ROBO1: variants seen among roughly 807,000 people sequenced by gnomAD.
ROBO1 encodes roundabout guidance receptor 1.
Under a neutral mutation model 195.9 loss-of-function variants are expected in ROBO1, and 149 were observed. The ratio of observed to expected loss-of-function variants is 0.76; its 90% CI spans 0.67 to 0.87. The LOEUF (loss-of-function observed/expected upper bound fraction) is 0.87, where lower values mean the gene tolerates loss of function less well. Among genes scored for constraint, ROBO1 ranks in the 40% least tolerant of loss-of-function variants. The probability of loss-of-function intolerance (pLI) is 0.00; values close to 1 mark genes in which losing one functional copy is unlikely to be tolerated. For synonymous variants in ROBO1, 816 were observed against 733.2 expected (o/e 1.11, Z -1.82); for missense variants, 1,933 against 2,068.3 (o/e 0.93, Z 1.27).
chr3:79,734,055 C>T (rs138233145), intron 1 of ROBO1, among the ~76,000 whole-genome samples: 3,672 of 151,590 alleles, frequency 0.024, 142 homozygotes, highest in African/African-American at 0.085. Flanking sequence ...TCAAGCAATT[C>T]TCCTGCCTCA....
At chr3:79,624,244 C>G (rs373362820) in intron 1 of ROBO1, among the ~76,000 whole-genome samples, 1 of 151,848 alleles carries the variant, frequency 6.6e-6, no homozygotes, top group Admixed American at 6.6e-5. Flanking sequence ...TTCAAAAAAA[C>G]GGCAAAATAT....
chr3:78,681,172 G>A (rs2080896039), intron 10 of ROBO1, among the ~76,000 whole-genome samples: 1 of 151,842 alleles, frequency 6.6e-6, no homozygotes, highest in Non-Finnish European at 1.5e-5. Context: ...ATCACACTCT[G>A]GGGACTGTTG....
chr3:78,817,021 T>G (rs977847194), intron 4 of ROBO1, among the ~76,000 whole-genome samples: 5 of 152,064 alleles, frequency 3.3e-5, no homozygotes, highest in African/African-American at 1.2e-4. Flanking sequence ...AACATTAGAT[T>G]GAATTAGTTA....
intron 2 of ROBO1, among the ~76,000 whole-genome samples, chr3:79,576,031 C>T (rs1943474178): frequency 6.6e-6 from 1 of 151,882 alleles, no homozygotes; most frequent in Non-Finnish European, 1.5e-5. Context: ...GAAGTTATAT[C>T]ACATCTGTTT....
rs1479620953 is a variant in ROBO1, at chr3:78,651,906, G to A, written c.2638C>T (p.Pro880Ser). 3 of 1,612,570 alleles carry A rather than the reference G, an allele frequency of 1.9e-6. No homozygotes were observed. In the South Asian group the frequency reaches 3.3e-5, roughly 18 times the overall value. Residue 880 changes from proline to serine, a missense_variant, in exon 19 of 31, where the codon CCT becomes TCT. Physicochemically the swap from Pro to Ser is moderately conservative, Grantham distance 74 (BLOSUM62 -1). Coordinates refer to ENST00000464233, the MANE Select transcript of ROBO1 (RefSeq NM_002941.4). The part of the protein sequence containing the change: ...QLDAHGNPVS[P>S]EDQVSLAQQI... The stretch of plus-strand genomic sequence containing the variant: ...TGAGCGAGGCTGACTTGGTCCTCAG[G>A]TGACACAGGGTTTCCATGGGCATCT...
At chr3:79,631,130 C>T (rs1385143661) in intron 1 of ROBO1, among the ~76,000 whole-genome samples, 1 of 151,568 alleles carries the variant, frequency 6.6e-6, no homozygotes, top group Non-Finnish European at 1.5e-5. Flanking sequence ...AGAGTTTTCA[C>T]ATAATTAGAA....
At chr3:78,811,659 G>T (rs2084745180) in intron 4 of ROBO1, among the ~76,000 whole-genome samples, 1 of 151,940 alleles carries the variant, frequency 6.6e-6, no homozygotes. Context: ...CTATATTCCA[G>T]GCCCACTGAA....
At chr3:78,762,853 A>C (rs2083140526) in intron 4 of ROBO1, among the ~76,000 whole-genome samples, 1 of 152,168 alleles carries the variant, frequency 6.6e-6, no homozygotes, top group Non-Finnish European at 1.5e-5. Context: ...AAGAAACAAA[A>C]AAAAGGCATT....
intron 2 of ROBO1, among the ~76,000 whole-genome samples, chr3:79,583,963 A>G (rs1444768185): frequency 2.6e-5 from 4 of 151,978 alleles, no homozygotes; most frequent in Non-Finnish European, 5.9e-5. Context: ...GGCTGAATAT[A>G]ACAGAACCCA....
intron 2 of ROBO1, among the ~76,000 whole-genome samples, chr3:79,556,542 A>G (rs555470297): frequency 1.3e-5 from 2 of 152,220 alleles, no homozygotes; most frequent in South Asian, 4.1e-4. Flanking sequence ...GAAGGTAATT[A>G]CTTTTTAGAA....
chr3:79,610,418 G>A (rs938723247), intron 1 of ROBO1, among the ~76,000 whole-genome samples: 5 of 151,646 alleles, frequency 3.3e-5, no homozygotes, highest in Non-Finnish European at 1.5e-5. Flanking sequence ...GTACTGTTCC[G>A]GGGTAACTGA....
At chr3:79,139,500 T>A (rs1576725030) in intron 2 of ROBO1, among the ~76,000 whole-genome samples, 1 of 152,134 alleles carries the variant, frequency 6.6e-6, no homozygotes, top group East Asian at 1.9e-4. Context: ...AACGTTTGGT[T>A]TAAGAAAGTC....
At chr3:79,366,379 T>C (rs2035977018) in intron 2 of ROBO1, among the ~76,000 whole-genome samples, 1 of 152,162 alleles carries the variant, frequency 6.6e-6, no homozygotes, top group African/African-American at 2.4e-5. Flanking sequence ...TTCATTCTTC[T>C]GATTCACCAT....
intron 28 of ROBO1, among the ~76,000 whole-genome samples, chr3:78,610,575 C>T (rs1322206981): frequency 6.6e-6 from 1 of 152,090 alleles, no homozygotes; most frequent in Non-Finnish European, 1.5e-5. Flanking sequence ...CTGCCACTAT[C>T]ATCAAATCAT....
chr3:79,018,348 A>C, intron 3 of ROBO1: 1 of 1,603,370 alleles, frequency 6.2e-7, no homozygotes, highest in Non-Finnish European at 8.5e-7. Flanking sequence ...TTGATCGTGC[A>C]AAGTGGAGAG....
chr3:79,261,871 G>A (rs2082943864), intron 2 of ROBO1, among the ~76,000 whole-genome samples: 1 of 151,974 alleles, frequency 6.6e-6, no homozygotes, highest in Non-Finnish European at 1.5e-5. Context: ...AAATCAACTG[G>A]TATTACCTAG....
chr3:79,423,829 C>T (rs77881652), intron 2 of ROBO1, among the ~76,000 whole-genome samples: 4 of 152,012 alleles, frequency 2.6e-5, no homozygotes, highest in Middle Eastern at 3.4e-3. Flanking sequence ...AGTAGAACTG[C>T]GGGTAGGACT....
Position 79,750,736 on chromosome 3 carries a change from C to A in ROBO1, c.-51+17016G>T, listed in dbSNP as rs552813626. Among the ~76,000 whole-genome samples, 3 of 152,282 alleles carry A rather than the reference C, an allele frequency of 2.0e-5. No homozygotes were observed. The South Asian group carries it at 6.2e-4, about 32-fold the overall frequency. On this transcript the variant is annotated intron_variant, in intron 1 of 30. Coordinates refer to ENST00000464233, the MANE Select transcript of ROBO1 (RefSeq NM_002941.4). ...GCCTTCCATCATGATTGTGAGGCTT[C>A]CCCAGTCATGTGGAAGTGTAAGTCC... is the stretch of plus-strand genomic sequence containing the variant.
At chr3:79,212,101 G>GTT (rs1040098727) in intron 2 of ROBO1, among the ~76,000 whole-genome samples, 6 of 152,218 alleles carry the variant, frequency 3.9e-5, no homozygotes, top group African/African-American at 1.4e-4. Flanking sequence ...ATTGTTTGTG[G>GTT]TTTAAGAACG....
Sources: gnomAD v4.1 joint callset for allele counts (sites outside exome capture counted in the v4.1 genomes callset) on GRCh38, gnomAD v4.1.1 for gene constraint, MANE v1.5 for transcripts, NCBI Gene and HGNC (gene_info 2026-07-23, HGNC 2026-07-21) for gene names.